Variants in STAG2 observed in about 807,000 individuals in gnomAD.
STAG2 encodes STAG2 cohesin complex component, also known as cohesin subunit SA-2.
In STAG2, 14 loss-of-function variants were observed where a neutral mutation model predicts 108.1. The observed-to-expected ratio is 0.13, with a 90% CI of 0.09 to 0.20. The LOEUF (loss-of-function observed/expected upper bound fraction) is 0.20, where lower values mean the gene tolerates loss of function less well. Ranked by LOEUF, STAG2 falls within the 10% of genes least tolerant of loss-of-function variation. The pLI is 1.00. For missense variants in STAG2, 440 were observed against 940.9 expected (o/e 0.47, Z 6.96); for synonymous variants, 307 against 302.7 (o/e 1.01, Z -0.15).
chrX:124,050,615 T>C (rs2058009199), intron 11 of STAG2, among the ~76,000 whole-genome samples: 1 of 111,129 alleles, frequency 9.0e-6, no homozygotes, highest in Non-Finnish European at 1.9e-5. Flanking sequence ...ACGCTGTTGT[T>C]ATCTGAGAGC....
chrX:124,060,299 T>TATTTTTGC (rs779780607), intron 15 of STAG2, among the ~76,000 whole-genome samples: 1 of 111,351 alleles, frequency 9.0e-6, no homozygotes, highest in South Asian at 3.8e-4. Context: ...CTAATTTTTG[T>TATTTTTGC]ATTTTTGCTA....
chrX:124,048,474 T>C (rs1473464213), intron 9 of STAG2, among the ~76,000 whole-genome samples: 1 of 111,817 alleles, frequency 8.9e-6, no homozygotes, highest in African/African-American at 3.2e-5. Context: ...TCACTCTGTC[T>C]CCCAGGCTGG....
At chrX:124,099,872 A>G (rs1032963336) in intron 34 of STAG2, among the ~76,000 whole-genome samples, 56 of 111,731 alleles carry the variant, frequency 5.0e-4, no homozygotes, top group African/African-American at 1.7e-3. Flanking sequence ...TGTTTAGTGA[A>G]CAAGGGAGAG....
At chrX:124,048,372 C>A (rs2057937377) in intron 9 of STAG2, among the ~76,000 whole-genome samples, 1 of 111,714 alleles carries the variant, frequency 9.0e-6, no homozygotes. Flanking sequence ...TACTTTTTCC[C>A]TTTAATTTAT....
chrX:123,991,504 C>T (rs775912445), intron 1 of STAG2, among the ~76,000 whole-genome samples: 4 of 108,445 alleles, frequency 3.7e-5, no homozygotes, highest in Non-Finnish European at 7.6e-5. Flanking sequence ...AAGCATGTGC[C>T]ACCATGCCTG....
At position 124,032,009 on chromosome X, in the gene STAG2, C is replaced by T. The variant is rs769798177; in HGVS notation, c.288+884C>T. 3.9e-3 allele frequency among the ~76,000 whole-genome samples: 434 copies of T among 111,753 alleles called. 5 individuals carry two copies. Among genetic ancestry groups the T allele is most frequent in the African/African-American group, 0.013 (411 of 30,757 alleles). On this transcript the variant is annotated intron_variant, in intron 5 of 34. Coordinates refer to ENST00000371145, the MANE Select transcript of STAG2 (RefSeq NM_001042750.2). ...CCTCCCAAAGTGCTGGGATTACAGG[C>T]GTGAGCCACCACGCCCAGCCCCAAC...
intron 34 of STAG2, among the ~76,000 whole-genome samples, chrX:124,096,181 T>C (rs2059372816): frequency 9.1e-6 from 1 of 110,066 alleles, no homozygotes; most frequent in Non-Finnish European, 1.9e-5. Context: ...TATTGATTTT[T>C]TTCCCCCCCA....
At position 124,071,745 on chromosome X, in the gene STAG2, C is replaced by T. The variant is rs181090169; in HGVS notation, c.2533+422C>T. On this transcript the variant is annotated intron_variant, in intron 25 of 34. Coordinates refer to ENST00000371145, the MANE Select transcript of STAG2 (RefSeq NM_001042750.2). Reference sequence around the variant, plus strand: ...GACTTTTTGTTGTGTACTTGTATACCGTAGGTTTTTTTTGTTTTTTAATTT... The same window carrying T: ...GACTTTTTGTTGTGTACTTGTATACTGTAGGTTTTTTTTGTTTTTTAATTT... 1.3e-3 allele frequency among the ~76,000 whole-genome samples: 145 copies of T among 111,018 alleles called. 2 individuals carry two copies. The East Asian group carries it at 0.034, about 26-fold the overall frequency.
chrX:124,036,718 C>T (rs1440828244), intron 5 of STAG2, among the ~76,000 whole-genome samples: 2 of 110,537 alleles, frequency 1.8e-5, no homozygotes, highest in Non-Finnish European at 3.8e-5. Flanking sequence ...TCTCTTGCCC[C>T]GAAAGGAATA....
intron 30 of STAG2, among the ~76,000 whole-genome samples, chrX:124,087,029 G>A (rs2059124400): frequency 8.9e-6 from 1 of 112,326 alleles, no homozygotes; most frequent in Non-Finnish European, 1.9e-5. Context: ...CAGTTATTAA[G>A]TAGGAGAGCC....
At chrX:124,009,435 GTAGGTAGGTAGA>G (rs1556479502) in intron 1 of STAG2, among the ~76,000 whole-genome samples, 9,490 of 70,703 alleles carry the variant, frequency 0.13, 679 homozygotes, top group South Asian at 0.24. Flanking sequence ...AGGTAGGTAG[GTAGGTAGGTAGA>G]TAGATAGATA....
chrX:123,984,420 G>A (rs959138034), intron 1 of STAG2, among the ~76,000 whole-genome samples: 5 of 111,221 alleles, frequency 4.5e-5, no homozygotes, highest in African/African-American at 1.3e-4. Context: ...CCCTTTCAGC[G>A]TAATCATCTT....
chrX:124,071,032 T>C (rs1244201127), intron 24 of STAG2, 117 bp from the exon 25 acceptor site: 2 of 545,022 alleles, frequency 3.7e-6, no homozygotes, highest in Non-Finnish European at 5.2e-6. Context: ...TCTCTTAAGA[T>C]TTTTAAATAT....
chrX:124,054,586 A>G (rs1257910347), intron 13 of STAG2, among the ~76,000 whole-genome samples: 1 of 112,185 alleles, frequency 8.9e-6, no homozygotes, highest in African/African-American at 3.2e-5. Flanking sequence ...CCTCCACAGT[A>G]CACTAGAAAC....
At chrX:124,049,220 G>A (rs1311946244) in intron 10 of STAG2, 142 bp downstream of exon 10, 2 of 457,882 alleles carry the variant, frequency 4.4e-6, no homozygotes, top group Non-Finnish European at 7.4e-6. Context: ...GTGCCACTGA[G>A]TCACTCTGGG....
upstream of STAG2, chrX:123,960,903 G>A (rs1436444024): frequency 8.9e-6 from 1 of 112,092 alleles, no homozygotes; most frequent in East Asian, 2.8e-4. Context: ...GCTTCTAGAA[G>A]TTTGGAGGGG....
chrX:123,975,683 C>T (rs1235194988), intron 1 of STAG2, among the ~76,000 whole-genome samples: 1 of 111,708 alleles, frequency 9.0e-6, no homozygotes, highest in Non-Finnish European at 1.9e-5. Context: ...AGGCTGGTCT[C>T]GAACTCCCAA....
Position 124,056,157 on chromosome X carries a change from A to G in STAG2, c.1226A>G (p.Asp409Gly), listed in dbSNP as rs1373362816. 1 of 1,207,529 alleles carries G rather than the reference A, an allele frequency of 8.3e-7. No homozygotes were observed. ...QSSEEVLTAE[D>G]CENVYHLVYS... ...AGTGAAGAAGTTCTCACTGCAGAAG[A>G]TTGTGAAAATGTCTATCATCTGGTT... Residue 409 changes from aspartate to glycine, a missense_variant, in exon 14 of 35, where the codon GAT (aspartate) becomes GGT (glycine). Around this residue, in one of 3 missense-constraint regions of STAG2, gnomAD observed 337 missense variants for 649.3 expected, o/e 0.52. Transcript: ENST00000371145.
intron 28 of STAG2, among the ~76,000 whole-genome samples, chrX:124,081,999 A>C (rs2058974407): frequency 8.9e-6 from 1 of 112,009 alleles, no homozygotes; most frequent in Non-Finnish European, 1.9e-5. Context: ...CAACAACAAC[A>C]ACAATAAAAT....
Sources: allele counts gnomAD v4.1 joint callset (sites outside exome capture counted in the v4.1 genomes callset), GRCh38; gene constraint gnomAD v4.1.1; regional missense constraint gnomAD v4.1.1; transcripts MANE v1.5; gene names NCBI Gene and HGNC (gene_info 2026-07-23, HGNC 2026-07-21).